Variants in CCBE1 observed in about 807,000 individuals in gnomAD.
CCBE1 encodes the protein collagen and calcium binding EGF domains 1, also known as collagen and calcium-binding EGF domain-containing protein 1.
CCBE1 carries 37 observed loss-of-function variants against 50.0 expected under a neutral mutation model. That is an observed-to-expected ratio of 0.74 (90% CI 0.57 to 0.97). The LOEUF (loss-of-function observed/expected upper bound fraction) is 0.97, where lower values mean the gene tolerates loss of function less well. CCBE1 is among the 50% of genes least tolerant of loss of function. CCBE1 has a pLI of 0.00. For synonymous variants in CCBE1, 234 were observed against 203.7 expected, an observed-to-expected ratio of 1.15 and a Z score of -1.27; for missense variants, 538 against 523.8, an observed-to-expected ratio of 1.03 and a Z score of -0.26.
At chr18:59,588,602 G>A (rs1157358705) in intron 2 of CCBE1, among the ~76,000 whole-genome samples, 1 of 152,156 alleles carries the variant, frequency 6.6e-6, no homozygotes, top group African/African-American at 2.4e-5. Context: ...CTACCAGATA[G>A]CAAGAAGTAT....
At chr18:59,569,458 T>C (rs1472488357) in intron 2 of CCBE1, among the ~76,000 whole-genome samples, 1 of 152,212 alleles carries the variant, frequency 6.6e-6, no homozygotes, top group East Asian at 1.9e-4. Flanking sequence ...GCACTAGCAC[T>C]GCAAGCCAGA....
chr18:59,630,894 T>C (rs2053841233), intron 2 of CCBE1, among the ~76,000 whole-genome samples: 1 of 152,202 alleles, frequency 6.6e-6, no homozygotes, highest in Non-Finnish European at 1.5e-5. Flanking sequence ...CGTTTAGAGA[T>C]CTAGCAATGT....
At chr18:59,688,095 T>C (rs1363102193) in intron 2 of CCBE1, 1 of 152,166 alleles carries the variant, frequency 6.6e-6, no homozygotes, top group Non-Finnish European at 1.5e-5. Flanking sequence ...AAAATGGCTT[T>C]TTTTCCCTCG....
intron 2 of CCBE1, among the ~76,000 whole-genome samples, chr18:59,599,732 C>T (rs1400634320): frequency 6.6e-6 from 1 of 152,130 alleles, no homozygotes; most frequent in African/African-American, 2.4e-5. Flanking sequence ...GCAATAATTC[C>T]TACCTGAAGA....
chr18:59,485,618 A>G (rs1029275239), intron 2 of CCBE1, among the ~76,000 whole-genome samples: 1 of 150,346 alleles, frequency 6.7e-6, no homozygotes, highest in African/African-American at 2.4e-5. Context: ...TTATTTATTT[A>G]TTTATTTTTT....
chr18:59,677,225 A>G (rs2054517144), intron 2 of CCBE1, among the ~76,000 whole-genome samples: 1 of 152,212 alleles, frequency 6.6e-6, no homozygotes, highest in African/African-American at 2.4e-5. Context: ...AGATAGCCCA[A>G]AAAGTCCCAA....
chr18:59,449,408 G>T (rs541582786), intron 6 of CCBE1, among the ~76,000 whole-genome samples: 3 of 151,184 alleles, frequency 2.0e-5, no homozygotes, highest in African/African-American at 7.3e-5. Context: ...GATCACTTGA[G>T]GTCAAGAGTT....
At position 59,641,260 on chromosome 18, in the gene CCBE1, T is replaced by C. The variant is rs576464278; in HGVS notation, c.212+55369A>G. ...TAAAAAAAATGTGGTATACACACCA[T>C]AGAATACTACATAGCTATAAAAAAG... is the stretch of plus-strand genomic sequence containing the variant. On this transcript the variant is annotated intron_variant, in intron 2 of 10. Coordinates refer to ENST00000439986, the MANE Select transcript of CCBE1 (RefSeq NM_133459.4). Among the ~76,000 whole-genome samples the C allele has an allele frequency of 1.1e-4, 17 of 152,220 alleles. No homozygotes were observed. In the South Asian group the frequency reaches 2.5e-3, roughly 22 times the overall value.
At chr18:59,540,306 C>G (rs1915419339) in intron 2 of CCBE1, among the ~76,000 whole-genome samples, 2 of 152,102 alleles carry the variant, frequency 1.3e-5, no homozygotes, top group South Asian at 4.1e-4. Context: ...TAATTTTCAT[C>G]CATTATCTGA....
chr18:59,651,721 G>A (rs940434317), intron 2 of CCBE1, among the ~76,000 whole-genome samples: 1 of 152,188 alleles, frequency 6.6e-6, no homozygotes, highest in African/African-American at 2.4e-5. Context: ...CTAGTGATGT[G>A]GCGGTGTGTC....
At chr18:59,439,872 T>G (rs1464579994) in intron 7 of CCBE1, 56 bp from the exon 8 acceptor site, 1 of 1,601,570 alleles carries the variant, frequency 6.2e-7, no homozygotes, top group Admixed American at 1.7e-5. Flanking sequence ...CAAAGGGCCC[T>G]GGCTAACAAG....
At chr18:59,557,659 T>C (rs2052672878) in intron 2 of CCBE1, among the ~76,000 whole-genome samples, 4 of 152,290 alleles carry the variant, frequency 2.6e-5, no homozygotes, top group Non-Finnish European at 5.9e-5. Flanking sequence ...ACTTCATTTA[T>C]ATGGGGTATA....
chr18:59,513,222 C>T (rs866846625), intron 2 of CCBE1, among the ~76,000 whole-genome samples: 2 of 152,138 alleles, frequency 1.3e-5, no homozygotes, highest in Admixed American at 6.6e-5. Context: ...GCATGAGAAT[C>T]GCTTGAACCG....
At chr18:59,554,764 A>G (rs1162877179) in intron 2 of CCBE1, among the ~76,000 whole-genome samples, 1 of 152,216 alleles carries the variant, frequency 6.6e-6, no homozygotes, top group Non-Finnish European at 1.5e-5. Flanking sequence ...AAAGGGTCCC[A>G]TAGTCCAGCA....
At chr18:59,561,317 T>A (rs1172636469) in intron 2 of CCBE1, among the ~76,000 whole-genome samples, 1 of 152,230 alleles carries the variant, frequency 6.6e-6, no homozygotes, top group Non-Finnish European at 1.5e-5. Context: ...TGGGCCTGCA[T>A]GCCCAAAATT....
intron 2 of CCBE1, among the ~76,000 whole-genome samples, chr18:59,652,740 G>A (rs1395091296): frequency 1.3e-4 from 20 of 152,168 alleles, no homozygotes; most frequent in Admixed American, 1.3e-3. Flanking sequence ...CGAGGCGGGT[G>A]GATCATGGGG....
intron 2 of CCBE1, among the ~76,000 whole-genome samples, chr18:59,603,854 G>A (rs989678468): frequency 9.9e-5 from 15 of 152,210 alleles, no homozygotes; most frequent in African/African-American, 3.4e-4. Flanking sequence ...AAGTGTTGGA[G>A]GTGGACATCT....
chr18:59,486,861 G>A (rs1183340190), intron 2 of CCBE1, among the ~76,000 whole-genome samples: 1 of 151,728 alleles, frequency 6.6e-6, no homozygotes, highest in Non-Finnish European at 1.5e-5. Flanking sequence ...ATAAAACAAG[G>A]AAACCCCAAA....
At chr18:59,695,836 G>A (rs2054797129) in intron 2 of CCBE1, among the ~76,000 whole-genome samples, 1 of 152,160 alleles carries the variant, frequency 6.6e-6, no homozygotes, top group Non-Finnish European at 1.5e-5. Context: ...CTAAAACGCA[G>A]ATATCCAATA....
Sources: gnomAD v4.1 joint callset for allele counts (sites outside exome capture counted in the v4.1 genomes callset) on GRCh38, gnomAD v4.1.1 for gene constraint, MANE v1.5 for transcripts, NCBI Gene and HGNC (gene_info 2026-07-23, HGNC 2026-07-21) for gene names.